The following CSDC2 variants were observed in gnomAD, a reference collection of about 807,000 sequenced individuals.
The protein encoded by CSDC2 is cold shock domain-containing protein C2.
A neutral mutation model predicts 15.8 loss-of-function variants in CSDC2; 8 were observed. The ratio of observed to expected loss-of-function variants is 0.51; its 90% CI spans 0.30 to 0.92. The LOEUF (loss-of-function observed/expected upper bound fraction) is 0.92, where lower values mean the gene tolerates loss of function less well. Among genes scored for constraint, CSDC2 ranks in the 40% least tolerant of loss-of-function variants. The probability of loss-of-function intolerance (pLI) is 0.07; values close to 1 mark genes in which losing one functional copy is unlikely to be tolerated. For synonymous variants in CSDC2, 96 were observed against 92.3 expected, an observed-to-expected ratio of 1.04 and a Z score of -0.23; for missense variants, 195 against 213.3, an observed-to-expected ratio of 0.91 and a Z score of 0.53.
chr22:41,570,387 G>A (rs929514515), intron 1 of CSDC2, among the ~76,000 whole-genome samples: 3 of 152,174 alleles, frequency 2.0e-5, no homozygotes, highest in Admixed American at 2.0e-4. Flanking sequence ...CTTGAGCAGA[G>A]GCCAGAAGAC....
Position 41,575,127 on chromosome 22 carries a change from G to T in CSDC2, c.*232G>T. 1.7e-6 allele frequency: 1 copy of T among 595,310 alleles called. No individual in the cohort carries two copies. Among genetic ancestry groups the T allele is most frequent in the Non-Finnish European group, 3.0e-6 (1 of 338,216 alleles). 36.9% of individuals were successfully genotyped at this position (595,310 alleles called of 1,614,324 possible). On this transcript the variant is annotated 3_prime_UTR_variant, in exon 4 of 4. Coordinates refer to ENST00000306149, the MANE Select transcript of CSDC2 (RefSeq NM_014460.4). The stretch of plus-strand genomic sequence containing the variant: ...AGGTAGGTGGAGGGCAAGGCCACCA[G>T]ACCTGGCTTCGCGCTGTCCACTGCC...
At chr22:41,570,999 A>C (rs1303473335) in intron 1 of CSDC2, among the ~76,000 whole-genome samples, 2 of 151,212 alleles carry the variant, frequency 1.3e-5, no homozygotes, top group African/African-American at 4.9e-5. Context: ...AAAAAAAAAA[A>C]CAAAGGATCA....
At position 41,570,803 on chromosome 22, in the gene CSDC2, C is replaced by CA. The variant is rs564534675; in HGVS notation, c.-123-1039dup. ...CACCACTGTACTCCAGCCTGGGTGA[C>CA]AGAGTGAGACTCTGTCTCAAAAAAA... On this transcript the variant is annotated intron_variant, in intron 1 of 3. Transcript: ENST00000306149. Among the ~76,000 whole-genome samples the CA allele has an allele frequency of 2.0e-3, 269 of 137,372 alleles. 2 individuals carry two copies. The highest frequency in any genetic ancestry group is 2.7e-3 in the Non-Finnish European group (174 of 64,810). The allele number at this position is 137,372 out of a possible 152,430, so 90.1% of individuals were successfully genotyped here. A position where few individuals can be genotyped will look rare whatever the true frequency, so the allele number is the denominator to read the frequency against.
chr22:41,564,330 G>T (rs1158965312), intron 1 of CSDC2, among the ~76,000 whole-genome samples: 2 of 151,078 alleles, frequency 1.3e-5, no homozygotes, highest in Non-Finnish European at 2.9e-5. Context: ...CGCGATCTCG[G>T]CTCACTGCAA....
chr22:41,565,123 G>A (rs1051467015), intron 1 of CSDC2, among the ~76,000 whole-genome samples: 2 of 151,208 alleles, frequency 1.3e-5, no homozygotes, highest in Admixed American at 6.6e-5. Flanking sequence ...CCGAGATCGC[G>A]CCACTGGACT....
At position 41,573,369 on chromosome 22, in the gene CSDC2, A is replaced by AT. The variant is rs201951750; in HGVS notation, c.177-278dup. ...GACCCTGTCTCAAAAAAAAAAAAAA[A>AT]TTTTTTTTGTAGAGATGGGAGTCTC... is the stretch of plus-strand genomic sequence containing the variant. On this transcript the variant is annotated intron_variant, in intron 2 of 3. Coordinates refer to ENST00000306149, the MANE Select transcript of CSDC2 (RefSeq NM_014460.4). 1.1e-4 allele frequency among the ~76,000 whole-genome samples: 17 copies of AT among 150,810 alleles called. 1 individual carries two copies. The highest frequency in any genetic ancestry group is 4.6e-4 in the Admixed American group (7 of 15,162).
At chr22:41,570,482 C>T (rs1374584742) in intron 1 of CSDC2, among the ~76,000 whole-genome samples, 3 of 152,144 alleles carry the variant, frequency 2.0e-5, no homozygotes, top group Non-Finnish European at 4.4e-5. Flanking sequence ...AGGAACCTTA[C>T]AGGAACCTTG....
At chr22:41,574,162 G>A (rs540180946) in intron 3 of CSDC2, among the ~76,000 whole-genome samples, 2 of 152,328 alleles carry the variant, frequency 1.3e-5, no homozygotes, top group East Asian at 3.9e-4. Context: ...ACCGGGGGAG[G>A]TCACTGAGCT....
intron 1 of CSDC2, among the ~76,000 whole-genome samples, chr22:41,564,990 ACT>A (rs1356155702): frequency 6.6e-6 from 1 of 151,924 alleles, no homozygotes; most frequent in Non-Finnish European, 1.5e-5. Context: ...ACATGGTGAA[ACT>A]CTGTCTCTAC....
Position 41,575,239 on chromosome 22 carries a change from T to A in CSDC2, c.*344T>A. On this transcript the variant is annotated 3_prime_UTR_variant, in exon 4 of 4. Coordinates refer to ENST00000306149, the MANE Select transcript of CSDC2 (RefSeq NM_014460.4). ...CCACGGTGACTGAGCTGCGAGAGCCTGCGCTGGGCTCACTCCCTGGCCTCC... is the reference window on the plus strand; with the variant it reads ...CCACGGTGACTGAGCTGCGAGAGCCAGCGCTGGGCTCACTCCCTGGCCTCC... 1 of 344,134 alleles carries A rather than the reference T, an allele frequency of 2.9e-6. No homozygotes were observed. Among genetic ancestry groups the A allele is most frequent in the East Asian group, 6.5e-5 (1 of 15,386 alleles). 21.3% of individuals were successfully genotyped at this position (344,134 alleles called of 1,614,324 possible). A position where few individuals can be genotyped will look rare whatever the true frequency, so the allele number is the denominator to read the frequency against.
rs553492379 is a variant in CSDC2, at chr22:41,576,132, G to C, written c.*1237G>C. On this transcript the variant is annotated 3_prime_UTR_variant, in exon 4 of 4. Transcript: ENST00000306149. Reference sequence around the variant, plus strand: ...CCGTGGTTCGAGGGAGGGCTGGCCAGGGGTGGGACCCTTATGAGACTCAGT... The same window carrying C: ...CCGTGGTTCGAGGGAGGGCTGGCCACGGGTGGGACCCTTATGAGACTCAGT... The C allele has an allele frequency of 6.6e-6, 1 of 152,560 alleles. No homozygotes were observed. The highest frequency in any genetic ancestry group is 2.1e-4 in the South Asian group (1 of 4,838). The allele number at this position is 152,560 out of a possible 1,614,324, so 9.5% of individuals were successfully genotyped here. A position where few individuals can be genotyped will look rare whatever the true frequency, so the allele number is the denominator to read the frequency against.
chr22:41,563,121 G>C (rs555302681), intron 1 of CSDC2, among the ~76,000 whole-genome samples: 1 of 152,206 alleles, frequency 6.6e-6, no homozygotes, highest in Admixed American at 6.5e-5. Context: ...AGGACTACAG[G>C]GTCTCTTAAA....
chr22:41,570,108 G>A (rs949007005), intron 1 of CSDC2, among the ~76,000 whole-genome samples: 14 of 152,140 alleles, frequency 9.2e-5, no homozygotes, highest in Non-Finnish European at 1.9e-4. Flanking sequence ...TGAAGCTTCC[G>A]TATTCTTCTC....
intron 1 of CSDC2, among the ~76,000 whole-genome samples, chr22:41,568,461 T>G (rs925611860): frequency 6.6e-6 from 1 of 152,210 alleles, no homozygotes; most frequent in Non-Finnish European, 1.5e-5. Context: ...ATTTTTGTAA[T>G]TTTTATAGAC....
chr22:41,565,634 C>T (rs2067110388), intron 1 of CSDC2, among the ~76,000 whole-genome samples: 1 of 152,100 alleles, frequency 6.6e-6, no homozygotes, highest in Non-Finnish European at 1.5e-5. Context: ...CAACCATTTC[C>T]TGCCCCATTC....
At chr22:41,572,335 T>C (rs1333622944) in intron 2 of CSDC2, among the ~76,000 whole-genome samples, 194 bp downstream of exon 2, 13 of 100,634 alleles carry the variant, frequency 1.3e-4, no homozygotes, top group African/African-American at 6.0e-4. Context: ...CATCCATCCA[T>C]CCATCCATCC....
At chr22:41,570,821 CAAAA>C (rs34010467) in intron 1 of CSDC2, among the ~76,000 whole-genome samples, 5 of 89,650 alleles carry the variant, frequency 5.6e-5, no homozygotes, top group Admixed American at 2.1e-4. Context: ...GACTCTGTCT[CAAAA>C]AAAAAAAAAA....
intron 1 of CSDC2, among the ~76,000 whole-genome samples, chr22:41,561,947 G>A (rs528018225): frequency 1.3e-5 from 2 of 152,338 alleles, no homozygotes; most frequent in East Asian, 1.9e-4. Flanking sequence ...CTGGCACAAG[G>A]AGTCCAGGCG....
intron 2 of CSDC2, among the ~76,000 whole-genome samples, chr22:41,573,092 C>T (rs2067156519): frequency 6.6e-6 from 1 of 152,108 alleles, no homozygotes. Context: ...TGCCTGTAAT[C>T]CCAGCACTTT....
Sources: gnomAD v4.1 joint callset for allele counts (sites outside exome capture counted in the v4.1 genomes callset) on GRCh38, gnomAD v4.1.1 for gene constraint, MANE v1.5 for transcripts, NCBI Gene and HGNC (gene_info 2026-07-23, HGNC 2026-07-21) for gene names.